Variants in ABCB1 observed in about 807,000 individuals in gnomAD.
ABCB1 encodes ATP binding cassette subfamily B member 1.
Under a neutral mutation model 142.0 loss-of-function variants are expected in ABCB1, and 69 were observed. The ratio of observed to expected loss-of-function variants is 0.49; its 90% confidence interval spans 0.40 to 0.59. ABCB1 has a LOEUF of 0.59. Ranked by LOEUF, ABCB1 falls within the 20% of genes least tolerant of loss-of-function variation. The probability of loss-of-function intolerance (pLI) is 0.00; values close to 1 mark genes in which losing one functional copy is unlikely to be tolerated. For missense variants in ABCB1, 1,326 were observed against 1,554.7 expected, an observed-to-expected ratio of 0.85 and a Z score of 2.47; for synonymous variants, 532 against 539.2, an observed-to-expected ratio of 0.99 and a Z score of 0.18.
intron 1 of ABCB1, among the ~76,000 whole-genome samples, chr7:87,669,199 T>A (rs1563118698): frequency 6.6e-6 from 1 of 152,112 alleles, no homozygotes; most frequent in South Asian, 2.1e-4. Flanking sequence ...TTTAGGTTTT[T>A]TTGTTGAATT....
rs1477385511 is a variant in ABCB1, at chr7:87,647,447, A to G, written c.-330-46369T>C. The stretch of plus-strand genomic sequence containing the variant: ...CAGTAATATAATCTAATTGTCTTCT[A>G]TTAAACACATTAAAGATATTTGCAA... On this transcript the variant is annotated intron_variant, in intron 1 of 28. Coordinates refer to the ABCB1 transcript ENST00000265724. Among the ~76,000 whole-genome samples, 5 of 152,334 alleles carry G rather than the reference A, an allele frequency of 3.3e-5. No homozygotes were observed. The East Asian group carries it at 5.8e-4, about 18-fold the overall frequency.
chr7:87,619,107 AC>A (rs929955189), intron 1 of ABCB1, among the ~76,000 whole-genome samples: 10 of 152,232 alleles, frequency 6.6e-5, no homozygotes, highest in Admixed American at 3.9e-4. Flanking sequence ...GTGTTTTTAA[AC>A]CATCTGTTTG....
At chr7:87,702,259 T>G (rs932755486) in intron 1 of ABCB1, among the ~76,000 whole-genome samples, 2 of 151,152 alleles carry the variant, frequency 1.3e-5, no homozygotes, top group Admixed American at 6.6e-5. Flanking sequence ...GGTAATGGGT[T>G]TATTGTTTTA....
At chr7:87,507,642 A>C (rs1448339588) in intron 26 of ABCB1, among the ~76,000 whole-genome samples, 4 of 152,182 alleles carry the variant, frequency 2.6e-5, no homozygotes, top group African/African-American at 7.2e-5. Context: ...GAAGAAGGGA[A>C]TCTTGGGAAA....
intron 1 of ABCB1, among the ~76,000 whole-genome samples, chr7:87,613,249 C>T (rs867260316): frequency 2.3e-3 from 279 of 123,862 alleles, no homozygotes; most frequent in African/African-American, 8.6e-3. Context: ...TTTGAATGTC[C>T]TTTATTTCTT....
At position 87,600,134 on chromosome 7, in the gene ABCB1, A is replaced by T. The variant is rs760162850; in HGVS notation, c.51T>A (p.Phe17Leu). 14 of 1,613,826 alleles carry T rather than the reference A, an allele frequency of 8.7e-6. No homozygotes were observed. Among genetic ancestry groups the T allele is most frequent in the East Asian group, 2.2e-5 (1 of 44,896 alleles). The change falls in exon 2 of 28, where the codon TTT becomes TTA. Residue 17 changes from phenylalanine (F) to leucine (L), a missense_variant. By Grantham distance (22) the Phe-to-Leu change is conservative. Transcript: ENST00000622132. ...RNGGAKKKNF[F>L]KLNNKSEKDK... ...CTAGTTACCTTTTATTGTTCAGTTTAAAAAAGTTCTTCTTCTTTGCTCCTC... is the reference window on the plus strand; with the variant it reads ...CTAGTTACCTTTTATTGTTCAGTTTTAAAAAGTTCTTCTTCTTTGCTCCTC...
intron 1 of ABCB1, among the ~76,000 whole-genome samples, chr7:87,702,440 G>A (rs1418124347): frequency 1.3e-5 from 2 of 151,844 alleles, no homozygotes; most frequent in Admixed American, 1.3e-4. Context: ...CACCATGCCT[G>A]GCAAATGTTT....
chr7:87,693,042 T>G (rs909722125), intron 1 of ABCB1, among the ~76,000 whole-genome samples: 6 of 152,128 alleles, frequency 3.9e-5, no homozygotes, highest in African/African-American at 1.4e-4. Flanking sequence ...AGGATCTAAG[T>G]GTTTGGAAAG....
chr7:87,663,657 G>C (rs932771403), intron 1 of ABCB1, among the ~76,000 whole-genome samples: 2 of 152,216 alleles, frequency 1.3e-5, no homozygotes, highest in Non-Finnish European at 2.9e-5. Flanking sequence ...TAGGATGTTA[G>C]ACAAGGTAGA....
At chr7:87,545,569 T>C (rs1361592274) in intron 15 of ABCB1, among the ~76,000 whole-genome samples, 3 of 152,326 alleles carry the variant, frequency 2.0e-5, no homozygotes, top group Non-Finnish European at 4.4e-5. Flanking sequence ...ACTTAAAACA[T>C]TCCAATTCAG....
chr7:87,669,700 A>G (rs990708392), intron 1 of ABCB1, among the ~76,000 whole-genome samples: 3 of 152,172 alleles, frequency 2.0e-5, no homozygotes, highest in African/African-American at 7.2e-5. Context: ...GTTTATCTGA[A>G]AAGGATCTTA....
At chr7:87,561,877 T>C (rs1447401548) in intron 7 of ABCB1, among the ~76,000 whole-genome samples, 3 of 152,136 alleles carry the variant, frequency 2.0e-5, no homozygotes, top group African/African-American at 7.2e-5. Context: ...TCTCAGCTAC[T>C]CAGGAGGCTG....
At chr7:87,591,388 C>T in intron 3 of ABCB1, among the ~76,000 whole-genome samples, 1 of 152,102 alleles carries the variant, frequency 6.6e-6, no homozygotes, top group Admixed American at 6.6e-5. Flanking sequence ...GAAATGAATA[C>T]ACAATGTCAA....
intron 21 of ABCB1, chr7:87,522,496 G>A: frequency 2.0e-6 from 1 of 509,376 alleles, no homozygotes; most frequent in South Asian, 1.5e-5. Context: ...ACAGATTTGT[G>A]AACTCAGACA....
chr7:87,673,766 T>A (rs1205896919), intron 1 of ABCB1, among the ~76,000 whole-genome samples: 1 of 152,218 alleles, frequency 6.6e-6, no homozygotes, highest in Non-Finnish European at 1.5e-5. Context: ...GGTAGTTGTT[T>A]GGAGGTAATA....
intron 24 of ABCB1, 46 bp downstream of exon 24, chr7:87,516,463 A>G (rs758971926): frequency 1.2e-6 from 2 of 1,612,130 alleles, no homozygotes; most frequent in Non-Finnish European, 1.7e-6. Flanking sequence ...AAATACTTTC[A>G]TTCAGGAGTC....
chr7:87,703,914 G>GTTTTTTTTTTTTTTTTTTTTTT (rs35797972), intron 1 of ABCB1, among the ~76,000 whole-genome samples: 33 of 42,972 alleles, frequency 7.7e-4, no homozygotes, highest in Non-Finnish European at 9.7e-4. Flanking sequence ...TTTTTTTTTG[G>GTTTTTTTTTTTTTTTTTTTTTT]TTTTTTTTTT....
chr7:87,658,908 C>G (rs963507049), intron 1 of ABCB1, among the ~76,000 whole-genome samples: 4 of 152,128 alleles, frequency 2.6e-5, no homozygotes, highest in Non-Finnish European at 5.9e-5. Flanking sequence ...GAACTTTAGG[C>G]TGGGAGGCCA....
chr7:87,522,038 C>G, intron 21 of ABCB1: 2 of 978,120 alleles, frequency 2.0e-6, no homozygotes, highest in South Asian at 2.5e-5. Context: ...TTCATCCAGC[C>G]AAAGAGGCAA....
Sources: allele counts gnomAD v4.1 joint callset (sites outside exome capture counted in the v4.1 genomes callset), GRCh38; gene constraint gnomAD v4.1.1; transcripts MANE v1.5; gene names NCBI Gene and HGNC (gene_info 2026-07-23, HGNC 2026-07-21).